The following MAP3K1 variants were observed in gnomAD, a reference collection of about 807,000 sequenced individuals.
MAP3K1 encodes the protein MAP/ERK kinase kinase 1.
MAP3K1 carries 36 observed loss-of-function variants against 144.2 expected under a neutral mutation model. The observed-to-expected ratio is 0.25, with a 90% CI of 0.19 to 0.33. The LOEUF is 0.33. MAP3K1 is among the 10% of genes least tolerant of loss of function. The pLI, the probability that MAP3K1 is intolerant of heterozygous loss-of-function variation, is 1.00. For synonymous variants in MAP3K1, 718 were observed against 688.7 expected, an observed-to-expected ratio of 1.04 and a Z score of -0.67; for missense variants, 1,650 against 1,881.9, an observed-to-expected ratio of 0.88 and a Z score of 2.28.
chr5:56,875,421 C>T, intron 10 of MAP3K1, 111 bp downstream of exon 10: 1 of 1,135,498 alleles, frequency 8.8e-7, no homozygotes, highest in African/African-American at 1.5e-5. Flanking sequence ...TTTGGAAAAT[C>T]CAAATTTTAT....
intron 6 of MAP3K1, among the ~76,000 whole-genome samples, chr5:56,869,030 C>T (rs908977363): frequency 6.6e-6 from 1 of 151,612 alleles, no homozygotes. Context: ...TAGAATGAGC[C>T]TAGGTGGGAG....
rs571399073 is a variant in MAP3K1 at position 56,893,818 on chromosome 5, A to T, written c.*138A>T. 5.7e-6 allele frequency: 5 copies of T among 880,586 alleles called. No individual in the cohort carries two copies. Among genetic ancestry groups the T allele is most frequent in the Non-Finnish European group, 9.1e-6 (5 of 551,548 alleles). 54.5% of individuals were successfully genotyped at this position (880,586 alleles called of 1,614,324 possible). A position where few individuals can be genotyped will look rare whatever the true frequency, so the allele number is the denominator to read the frequency against. On this transcript the variant is annotated 3_prime_UTR_variant, in exon 20 of 20. Transcript: ENST00000399503. ...CGAGGCCAGTGGGGAACCCTTACCT[A>T]AGTATGTGATTGACAAATCATGATC... is the stretch of plus-strand genomic sequence containing the variant.
chr5:56,882,930 T>G, intron 14 of MAP3K1, 64 bp downstream of exon 14: 1 of 1,312,344 alleles, frequency 7.6e-7, no homozygotes, highest in Non-Finnish European at 1.1e-6. Flanking sequence ...GACTCATACC[T>G]GGAATTCCAG....
At chr5:56,871,541 C>G (rs561283081) in intron 6 of MAP3K1, among the ~76,000 whole-genome samples, 2 of 152,226 alleles carry the variant, frequency 1.3e-5, no homozygotes, top group Non-Finnish European at 2.9e-5. Flanking sequence ...TCCGCCAGTA[C>G]TTAAAATCTT....
At chr5:56,823,506 C>T (rs561456662) in intron 1 of MAP3K1, among the ~76,000 whole-genome samples, 1 of 152,274 alleles carries the variant, frequency 6.6e-6, no homozygotes, top group East Asian at 1.9e-4. Context: ...ACTGCCTTCC[C>T]CCTAGCACCT....
Position 56,866,984 on chromosome 5 carries a change from A to G in MAP3K1, c.1301+1007A>G, listed in dbSNP as rs866485721. ...GGAAAGGTATAGCCAGAACCTGGGT[A>G]TCTTTGTTTTACCCCTCATCTCTTC... On this transcript the variant is annotated intron_variant, in intron 6 of 19. Transcript: ENST00000399503. Among the ~76,000 whole-genome samples the G allele has an allele frequency of 1.4e-4, 22 of 152,286 alleles. 1 individual carries two copies. Among genetic ancestry groups the G allele is most frequent in the Middle Eastern group, 6.8e-3 (2 of 294 alleles).
chr5:56,825,304 T>G (rs252909), intron 1 of MAP3K1, among the ~76,000 whole-genome samples: 1 of 152,082 alleles, frequency 6.6e-6, no homozygotes, highest in African/African-American at 2.4e-5. Context: ...TGAGCCACCA[T>G]GCCCGGCCAG....
Position 56,885,944 on chromosome 5 carries a change from C to G in MAP3K1, c.3995C>G (p.Ala1332Gly), listed in dbSNP as rs1457991417. The change falls in exon 17 of 20, where the codon GCT becomes GGT. Residue 1332 changes from alanine to glycine, a missense_variant. Transcript: ENST00000399503. ...TATTGTCTTATAGGGGGATCGGTGGCTCATTTGCTGAGTAAATATGGAGCC... is the reference window on the plus strand; with the variant it reads ...TATTGTCTTATAGGGGGATCGGTGGGTCATTTGCTGAGTAAATATGGAGCC... The part of the protein sequence containing the change: ...FIEWMAGGSV[A>G]HLLSKYGAFK... The G allele has an allele frequency of 6.2e-7, 1 of 1,611,974 alleles. No homozygotes were observed. Among genetic ancestry groups the G allele is most frequent in the Admixed American group, 1.7e-5 (1 of 59,966 alleles).
At position 56,856,761 on chromosome 5, in the gene MAP3K1, A is replaced by G. The variant is rs768068483; in HGVS notation, c.633+11A>G. 3.3e-5 allele frequency: 53 copies of G among 1,613,574 alleles called. No homozygotes were observed. The highest frequency in any genetic ancestry group is 3.9e-5 in the Non-Finnish European group (46 of 1,179,650). On this transcript the variant is annotated intron_variant, in intron 2 of 19. Transcript: ENST00000399503. ...AGGCGAGGGCCTGTGGTAAGTGGCT[A>G]TGGGTTACCAGTTATAAGGAAGAAA...
chr5:56,892,312 C>T (rs1037182981), intron 19 of MAP3K1, among the ~76,000 whole-genome samples: 1 of 152,082 alleles, frequency 6.6e-6, no homozygotes. Flanking sequence ...GGAGTTCACT[C>T]ATGATTTGGC....
chr5:56,817,095 T>G (rs1746001304), intron 1 of MAP3K1: 3 of 985,416 alleles, frequency 3.0e-6, no homozygotes, highest in Non-Finnish European at 3.6e-6. Context: ...TTCTGGTGCA[T>G]ATGAAGTACA....
chr5:56,867,679 C>A (rs745892265), intron 6 of MAP3K1, among the ~76,000 whole-genome samples: 1 of 151,992 alleles, frequency 6.6e-6, no homozygotes, highest in Non-Finnish European at 1.5e-5. Context: ...TATGTAAAGC[C>A]GTATAGCCTT....
chr5:56,840,891 A>G (rs1746792403), intron 1 of MAP3K1, among the ~76,000 whole-genome samples: 1 of 149,632 alleles, frequency 6.7e-6, no homozygotes, highest in South Asian at 2.1e-4. Context: ...TTTTTTTTAA[A>G]GATGGAGTCT....
rs2111874022 is a variant in MAP3K1 at position 56,859,790 on chromosome 5, C to T, written c.709C>T (p.Gln237Ter). The change falls in exon 3 of 20, where the codon CAG becomes TAG. Residue 237 changes from glutamine (Q) to a stop codon, truncating the protein, a stop_gained. Coordinates refer to ENST00000399503, the MANE Select transcript of MAP3K1 (RefSeq NM_005921.2). LOFTEE classifies it high-confidence loss of function. The part of the protein sequence containing the change: ...HLAAESPGEV[Q>*]ASAASPASKG... Reference sequence around the variant, plus strand: ...AGCAGCTGAGTCTCCAGGAGAGGTCCAGGCAAGTGCGGCTTCACCAGCTTC... The same window carrying T: ...AGCAGCTGAGTCTCCAGGAGAGGTCTAGGCAAGTGCGGCTTCACCAGCTTC... 2 of 1,614,056 alleles carry T rather than the reference C, an allele frequency of 1.2e-6. No individual in the cohort carries two copies. The highest frequency in any genetic ancestry group is 1.7e-6 in the Non-Finnish European group (2 of 1,180,002).
At chr5:56,869,158 C>T (rs566714549) in intron 6 of MAP3K1, among the ~76,000 whole-genome samples, 1 of 152,062 alleles carries the variant, frequency 6.6e-6, no homozygotes, top group South Asian at 2.1e-4. Context: ...GTGGTCCCAG[C>T]TACTCAGGAG....
chr5:56,846,494 G>A (rs750942821), intron 1 of MAP3K1, among the ~76,000 whole-genome samples: 2 of 152,076 alleles, frequency 1.3e-5, no homozygotes, highest in Non-Finnish European at 2.9e-5. Context: ...ATTTTCATTC[G>A]CTAACTCAAA....
At chr5:56,822,604 C>T (rs551843181) in intron 1 of MAP3K1, among the ~76,000 whole-genome samples, 14 of 152,232 alleles carry the variant, frequency 9.2e-5, no homozygotes, top group African/African-American at 2.4e-5. Context: ...CTGGAAGATT[C>T]CCAGGGTGGT....
intron 1 of MAP3K1, among the ~76,000 whole-genome samples, chr5:56,854,831 A>G (rs987817595): frequency 1.3e-5 from 2 of 152,234 alleles, no homozygotes; most frequent in African/African-American, 2.4e-5. Context: ...CTAGGAGTGC[A>G]GGAGTTTCTG....
intron 3 of MAP3K1, 147 bp from the exon 4 acceptor site, chr5:56,864,587 A>G: frequency 1.4e-6 from 1 of 734,434 alleles, no homozygotes. Context: ...GTTAACCCGG[A>G]TGGTCTGGAT....
Sources: allele counts gnomAD v4.1 joint callset (sites outside exome capture counted in the v4.1 genomes callset), GRCh38; gene constraint gnomAD v4.1.1; transcripts MANE v1.5; gene names NCBI Gene and HGNC (gene_info 2026-07-23, HGNC 2026-07-21).